BIRC6: variants seen among roughly 807,000 people sequenced by gnomAD.
BIRC6 encodes the protein baculoviral IAP repeat containing 6, also known as dual E2 ubiquitin-conjugating enzyme/E3 ubiquitin-protein ligase BIRC6.
BIRC6 carries 98 observed loss-of-function variants against 503.3 expected under a neutral mutation model. The observed-to-expected ratio is 0.19, with a 90% CI of 0.17 to 0.23. The LOEUF (loss-of-function observed/expected upper bound fraction) is 0.23, where lower values mean the gene tolerates loss of function less well. Among genes scored for constraint, BIRC6 ranks in the 10% least tolerant of loss-of-function variants. The probability of loss-of-function intolerance (pLI) is 1.00; values close to 1 mark genes in which losing one functional copy is unlikely to be tolerated. For synonymous variants in BIRC6, 2,240 were observed against 2,078.7 expected (o/e 1.08, Z -2.11); for missense variants, 5,360 against 5,806.0 (o/e 0.92, Z 2.50).
intron 47 of BIRC6, 34 bp downstream of exon 47, chr2:32,501,922 A>C: frequency 3.2e-6 from 5 of 1,549,880 alleles, no homozygotes; most frequent in Non-Finnish European, 4.4e-6. Context: ...GCAGTGATTC[A>C]AATAAATTTA....
chr2:32,517,161 T>G (rs565484562), intron 55 of BIRC6, among the ~76,000 whole-genome samples: 2 of 152,128 alleles, frequency 1.3e-5, no homozygotes, highest in South Asian at 4.2e-4. Flanking sequence ...CAAAACCTCC[T>G]GTCTACCAAA....
At chr2:32,456,485 T>A (rs1184577631) in intron 23 of BIRC6, among the ~76,000 whole-genome samples, 1 of 152,248 alleles carries the variant, frequency 6.6e-6, no homozygotes, top group South Asian at 2.1e-4. Flanking sequence ...TATATTTTTG[T>A]CTTGAATATG....
In BIRC6 at chr2:32,515,482, T is replaced by G; in HGVS notation, c.11061T>G (p.Leu3687=). The G allele has an allele frequency of 6.2e-7, 1 of 1,613,786 alleles. No individual in the cohort carries two copies. Among genetic ancestry groups the G allele is most frequent in the Non-Finnish European group, 8.5e-7 (1 of 1,179,886 alleles). ...CAGCCGACCTAGTTGCTCCTATTCT[T>G]AGGTTTTTGACAGAAGTTGGCAATA... ...PITADLVAPI[L]RFLTEVGNSH... Residue 3687 remains leucine, a synonymous_variant, in exon 55 of 74, where the codon CTT becomes CTG. Transcript: ENST00000421745.
Position 32,448,533 on chromosome 2 carries a change from G to C in BIRC6, c.4485-262G>C, listed in dbSNP as rs28445320. 9.0e-3 allele frequency among the ~76,000 whole-genome samples: 1,339 copies of C among 149,458 alleles called. 7 individuals are homozygous for C. The highest frequency in any genetic ancestry group is 0.021 in the Middle Eastern group (6 of 292). On this transcript the variant is annotated intron_variant, in intron 21 of 73. Transcript: ENST00000421745. ...AGGCGTGGCGACGCGCGCCTGCAATGGCAGGCACTCGGCAGGCTGAGGCAG... is the reference window on the plus strand; with the variant it reads ...AGGCGTGGCGACGCGCGCCTGCAATCGCAGGCACTCGGCAGGCTGAGGCAG...
chr2:32,513,131 A>G lies in BIRC6; in HGVS notation c.10545A>G (p.Ala3515=). 1 of 1,613,434 alleles carries G rather than the reference A, an allele frequency of 6.2e-7. No individual in the cohort carries two copies. The highest frequency in any genetic ancestry group is 1.1e-5 in the South Asian group (1 of 91,042). ...YELLVEYDLP[A]LLDQELFELL... ...TGCTTGTAGAATATGACTTACCAGC[A>G]CTCCTGGACCAAGAGCTCTTTGAGT... Residue 3515 remains alanine, a synonymous_variant, in exon 54 of 74, where the codon GCA becomes GCG. Transcript: ENST00000421745.
intron 21 of BIRC6, 29 bp downstream of exon 21, chr2:32,445,697 T>C (rs1404590579): frequency 7.0e-7 from 1 of 1,435,500 alleles, no homozygotes; most frequent in Non-Finnish European, 9.2e-7. Context: ...TGACTAATAA[T>C]AGGCGTCTCT....
chr2:32,458,776 C>G (rs1260594607), intron 23 of BIRC6, among the ~76,000 whole-genome samples: 1 of 146,568 alleles, frequency 6.8e-6, no homozygotes, highest in Non-Finnish European at 1.5e-5. Context: ...CTCACTGTAG[C>G]CTCACCTCCT....
chr2:32,459,087 A>AT (rs1025197715), intron 23 of BIRC6, among the ~76,000 whole-genome samples: 21 of 151,434 alleles, frequency 1.4e-4, no homozygotes, highest in African/African-American at 3.9e-4. Context: ...TGATTTTCTA[A>AT]TTTTTTTTTA....
At chr2:32,595,793 A>G (rs1004242839) in intron 68 of BIRC6, among the ~76,000 whole-genome samples, 1 of 152,150 alleles carries the variant, frequency 6.6e-6, no homozygotes, top group Admixed American at 6.5e-5. Context: ...TGTCTTTGAA[A>G]CCTCATTATA....
At chr2:32,485,105 G>A (rs2050844943) in intron 39 of BIRC6, among the ~76,000 whole-genome samples, 1 of 152,160 alleles carries the variant, frequency 6.6e-6, no homozygotes, top group Non-Finnish European at 1.5e-5. Context: ...GAGAAATGTG[G>A]TTAACAAACC....
intron 1 of BIRC6, among the ~76,000 whole-genome samples, chr2:32,375,897 A>G (rs1289721558): frequency 6.6e-6 from 1 of 152,166 alleles, no homozygotes; most frequent in Non-Finnish European, 1.5e-5. Flanking sequence ...ATGAAAATAC[A>G]TGAGATGGCC....
intron 55 of BIRC6, among the ~76,000 whole-genome samples, chr2:32,517,842 A>G (rs758712424): frequency 8.5e-5 from 13 of 152,048 alleles, no homozygotes; most frequent in African/African-American, 2.2e-4. Context: ...TAGTTTCCCA[A>G]AGTTCTGAGA....
intron 61 of BIRC6, among the ~76,000 whole-genome samples, chr2:32,537,172 G>A (rs779173328): frequency 1.2e-4 from 18 of 152,012 alleles, no homozygotes; most frequent in Non-Finnish European, 2.2e-4. Flanking sequence ...GAGACGATGG[G>A]GTTTTCTAGA....
chr2:32,377,249 GTA>G (rs58641821), intron 1 of BIRC6, among the ~76,000 whole-genome samples: 5 of 148,520 alleles, frequency 3.4e-5, no homozygotes, highest in Admixed American at 6.7e-5. Context: ...GTGTGTGTGT[GTA>G]TACACATCAT....
In BIRC6 at chr2:32,468,564, G is replaced by C; in HGVS notation, c.5908G>C (p.Val1970Leu). ...TAAGGCAGTTGAGGAAGACAGTAGG[G>C]TTTTTTCTGCTTATCAAGATTGTAT... ...PDKAVEEDSR[V>L]FSAYQDCIQL... Residue 1970 changes from valine (V) to leucine (L), a missense_variant, in exon 29 of 74, where the codon GTT becomes CTT. Physicochemically the swap from Val to Leu is conservative, Grantham distance 32. Around this residue, in one of 16 missense-constraint regions of BIRC6, gnomAD observed 2,299 missense variants for 2,267.2 expected, o/e 1.01. Coordinates refer to ENST00000421745, the MANE Select transcript of BIRC6 (RefSeq NM_016252.4). 6.2e-7 allele frequency: 1 copy of C among 1,613,990 alleles called. No homozygotes were observed. Among genetic ancestry groups the C allele is most frequent in the Non-Finnish European group, 8.5e-7 (1 of 1,179,878 alleles).
intron 24 of BIRC6, 137 bp downstream of exon 24, chr2:32,463,518 G>T: frequency 1.3e-6 from 1 of 782,434 alleles, no homozygotes; most frequent in Non-Finnish European, 1.9e-6. Flanking sequence ...CAAAAATTGA[G>T]GTAAAGTCTT....
intron 19 of BIRC6, 120 bp from the exon 20 acceptor site, chr2:32,443,371 G>A: frequency 3.2e-6 from 2 of 633,100 alleles, no homozygotes; most frequent in Admixed American, 3.3e-5. Flanking sequence ...TTTAAGGCAG[G>A]TTTTTCTTTT....
intron 22 of BIRC6, chr2:32,449,175 C>T (rs900582545): frequency 9.1e-6 from 3 of 330,740 alleles, no homozygotes; most frequent in African/African-American, 4.3e-5. Flanking sequence ...TTTTGTTATG[C>T]ATTTCATTTC....
intron 30 of BIRC6, 90 bp from the exon 31 acceptor site, chr2:32,470,078 T>C (rs1185974865): frequency 9.0e-6 from 10 of 1,108,642 alleles, no homozygotes; most frequent in Non-Finnish European, 1.2e-5. Flanking sequence ...ATTCTATCAT[T>C]ACTCTGTTAA....
Sources: gnomAD v4.1 joint callset for allele counts (sites outside exome capture counted in the v4.1 genomes callset) on GRCh38, gnomAD v4.1.1 for gene constraint, gnomAD v4.1.1 regional missense constraint, MANE v1.5 for transcripts, NCBI Gene and HGNC (gene_info 2026-07-23, HGNC 2026-07-21) for gene names.